The following FAM227B variants were observed in gnomAD, a reference collection of about 807,000 sequenced individuals.
FAM227B encodes family with sequence similarity 227 member B, also known as protein FAM227B.
FAM227B carries 88 observed loss-of-function variants against 73.8 expected under a neutral mutation model. The ratio of observed to expected loss-of-function variants is 1.19; its 90% CI spans 1.00 to 1.42. FAM227B has a LOEUF of 1.42. Ranked by LOEUF, FAM227B falls within the 40% of genes most tolerant of loss-of-function variation. The pLI, the probability that FAM227B is intolerant of heterozygous loss-of-function variation, is 0.00. For synonymous variants in FAM227B, 210 were observed against 190.5 expected (o/e 1.10, Z -0.84); for missense variants, 632 against 590.9 (o/e 1.07, Z -0.72).
At chr15:49,544,957 G>A (rs1470798850) in intron 9 of FAM227B, among the ~76,000 whole-genome samples, 2 of 152,084 alleles carry the variant, frequency 1.3e-5, no homozygotes, top group African/African-American at 4.8e-5. Flanking sequence ...ATATTGGTCT[G>A]TAGTTTTCTT....
intron 11 of FAM227B, among the ~76,000 whole-genome samples, chr15:49,483,969 T>G (rs1481813205): frequency 2.0e-5 from 3 of 152,014 alleles, no homozygotes; most frequent in African/African-American, 7.2e-5. Flanking sequence ...TTCCAGTGGT[T>G]AAAGAATGAG....
At chr15:49,602,582 C>T (rs918098846) in intron 3 of FAM227B, among the ~76,000 whole-genome samples, 4 of 152,140 alleles carry the variant, frequency 2.6e-5, no homozygotes, top group Admixed American at 1.3e-4. Context: ...GTATTTCCTC[C>T]CATTCTATGG....
chr15:49,614,934 T>TA (rs1181863767), intron 2 of FAM227B, 187 bp downstream of exon 2: 5 of 625,604 alleles, frequency 8.0e-6, no homozygotes, highest in Middle Eastern at 4.4e-4. Flanking sequence ...AGCACCCTAT[T>TA]AAAGCTTTCT....
At chr15:49,555,342 G>A (rs1243934493) in intron 9 of FAM227B, among the ~76,000 whole-genome samples, 2 of 152,130 alleles carry the variant, frequency 1.3e-5, no homozygotes, top group African/African-American at 4.8e-5. Flanking sequence ...ATTAATTCTT[G>A]TTTGGAAATT....
At chr15:49,512,808 G>T (rs2059106775) in intron 10 of FAM227B, among the ~76,000 whole-genome samples, 1 of 152,042 alleles carries the variant, frequency 6.6e-6, no homozygotes, top group South Asian at 2.1e-4. Context: ...GTGTCCACGT[G>T]TTCTCATTGT....
chr15:49,360,263 T>C (rs2043975425), intron 13 of FAM227B, among the ~76,000 whole-genome samples: 1 of 151,410 alleles, frequency 6.6e-6, no homozygotes, highest in South Asian at 2.1e-4. Flanking sequence ...AGTCTGTGTA[T>C]GCATGTGTGA....
At chr15:49,360,470 T>A (rs1380383952) in intron 13 of FAM227B, among the ~76,000 whole-genome samples, 1 of 152,236 alleles carries the variant, frequency 6.6e-6, no homozygotes, top group Non-Finnish European at 1.5e-5. Flanking sequence ...ATTTTTTAAA[T>A]AATTTGCATT....
At chr15:49,467,151 T>C (rs2054335464) in intron 11 of FAM227B, among the ~76,000 whole-genome samples, 1 of 152,150 alleles carries the variant, frequency 6.6e-6, no homozygotes, top group South Asian at 2.1e-4. Flanking sequence ...GTATTTAAAA[T>C]AAAGGGAGAA....
intron 11 of FAM227B, chr15:49,396,169 C>A (rs1033891244): frequency 1.1e-5 from 4 of 352,368 alleles, no homozygotes; most frequent in Non-Finnish European, 1.7e-5. Context: ...CAGGGCGAGG[C>A]ATTGCCTCAC....
intron 10 of FAM227B, among the ~76,000 whole-genome samples, chr15:49,522,597 A>C (rs1280970375): frequency 1.3e-5 from 2 of 152,148 alleles, no homozygotes; most frequent in Admixed American, 6.5e-5. Flanking sequence ...GAACCAACAG[A>C]ACTTCTAAAA....
chr15:49,518,929 G>A (rs753676745), intron 10 of FAM227B, among the ~76,000 whole-genome samples: 3 of 152,174 alleles, frequency 2.0e-5, no homozygotes, highest in African/African-American at 7.2e-5. Context: ...CTGAGACAAA[G>A]CAAGTCTCTT....
intron 3 of FAM227B, among the ~76,000 whole-genome samples, chr15:49,598,341 G>A (rs2077000545): frequency 6.6e-6 from 1 of 151,894 alleles, no homozygotes; most frequent in Admixed American, 6.6e-5. Flanking sequence ...AATTCATTCA[G>A]TATTTCTAAC....
rs1165559991 is a variant in FAM227B at position 49,597,198 on chromosome 15, T to G, written c.106-7191A>C. On this transcript the variant is annotated intron_variant, in intron 3 of 15. Transcript: ENST00000299338. ...CTATTCATCAGCTCATGAAACATTC[T>G]CCAAGATAGACCATGTGACAGGCCA... Among the ~76,000 whole-genome samples, 8 of 152,040 alleles carry G rather than the reference T, an allele frequency of 5.3e-5. No individual in the cohort carries two copies. The East Asian group carries it at 1.5e-3, about 29-fold the overall frequency.
intron 11 of FAM227B, among the ~76,000 whole-genome samples, chr15:49,416,380 G>A (rs537233972): frequency 1.3e-5 from 2 of 151,958 alleles, no homozygotes; most frequent in Admixed American, 1.3e-4. Context: ...GAATGGGGTG[G>A]ACAGAAGAAA....
intron 11 of FAM227B, among the ~76,000 whole-genome samples, chr15:49,504,792 C>T (rs2152104648): frequency 6.6e-6 from 1 of 152,232 alleles, no homozygotes; most frequent in Admixed American, 6.5e-5. Context: ...GCCAATTGAG[C>T]CTCTTTTTTC....
chr15:49,568,404 A>T, intron 8 of FAM227B, 58 bp from the exon 9 acceptor site: 2 of 1,322,622 alleles, frequency 1.5e-6, no homozygotes, highest in South Asian at 2.5e-5. Flanking sequence ...GAATTTGTTT[A>T]CATGATGACA....
chr15:49,558,660 C>T (rs2073970388), intron 9 of FAM227B, among the ~76,000 whole-genome samples: 2 of 152,136 alleles, frequency 1.3e-5, no homozygotes, highest in Non-Finnish European at 2.9e-5. Flanking sequence ...AAGAGTTTGG[C>T]CAGTGACCCA....
intron 10 of FAM227B, among the ~76,000 whole-genome samples, 164 bp downstream of exon 10, chr15:49,541,516 T>A (rs1362140839): frequency 6.6e-6 from 1 of 152,140 alleles, no homozygotes; most frequent in East Asian, 1.9e-4. Context: ...AATGAAATGT[T>A]CAGAAGAAAA....
intron 9 of FAM227B, among the ~76,000 whole-genome samples, chr15:49,546,780 T>C (rs1449207998): frequency 6.6e-6 from 1 of 152,140 alleles, no homozygotes; most frequent in Admixed American, 6.5e-5. Flanking sequence ...TATGGGACTA[T>C]GTGAAAAGAC....
Sources: allele counts gnomAD v4.1 joint callset (sites outside exome capture counted in the v4.1 genomes callset), GRCh38; gene constraint gnomAD v4.1.1; transcripts MANE v1.5; gene names NCBI Gene and HGNC (gene_info 2026-07-23, HGNC 2026-07-21).